Variants in TRPM3 observed in about 807,000 individuals in gnomAD.
TRPM3 encodes long transient receptor potential channel 3.
In TRPM3, 77 loss-of-function variants were observed where a neutral mutation model predicts 181.2. That is an observed-to-expected ratio of 0.42 (90% CI 0.35 to 0.51). TRPM3 has a LOEUF of 0.51. TRPM3 is among the 20% of genes least tolerant of loss of function. TRPM3 has a pLI of 0.01. For missense variants in TRPM3, 1,759 were observed against 2,196.7 expected, an observed-to-expected ratio of 0.80 and a Z score of 3.98; for synonymous variants, 745 against 796.4, an observed-to-expected ratio of 0.94 and a Z score of 1.09.
intron 6 of TRPM3, among the ~76,000 whole-genome samples, chr9:70,819,273 C>G (rs1053304105): frequency 6.6e-6 from 1 of 152,168 alleles, no homozygotes; most frequent in African/African-American, 2.4e-5. Context: ...CCACCTCTCA[C>G]ATTTTAAAAT....
chr9:70,998,778 T>C (rs1341344695), intron 1 of TRPM3, among the ~76,000 whole-genome samples: 2 of 152,204 alleles, frequency 1.3e-5, no homozygotes, highest in African/African-American at 4.8e-5. Context: ...TACAGCACCA[T>C]GAAAATGGAC....
chr9:70,610,162 C>T (rs539962632), intron 19 of TRPM3, among the ~76,000 whole-genome samples: 3 of 151,512 alleles, frequency 2.0e-5, no homozygotes, highest in Admixed American at 2.0e-4. Flanking sequence ...TGCACACACA[C>T]GCATGCATAC....
chr9:71,356,827 G>A (rs2091916821), intron 1 of TRPM3, among the ~76,000 whole-genome samples: 2 of 152,120 alleles, frequency 1.3e-5, no homozygotes, highest in Non-Finnish European at 2.9e-5. Context: ...AGAGAGATCA[G>A]TGAGAGAGCA....
At chr9:70,741,514 G>A (rs1180746034) in intron 8 of TRPM3, among the ~76,000 whole-genome samples, 1 of 152,094 alleles carries the variant, frequency 6.6e-6, no homozygotes, top group African/African-American at 2.4e-5. Context: ...AAAGATACCT[G>A]CACATGCATC....
At chr9:70,826,402 T>C (rs1377403966) in intron 6 of TRPM3, 1 of 152,224 alleles carries the variant, frequency 6.6e-6, no homozygotes, top group South Asian at 2.1e-4. Flanking sequence ...AACACTTGTG[T>C]TTCTTCTTTC....
In TRPM3 at chr9:71,282,330, AAG is replaced by A. The variant is rs1429373800; in HGVS notation, c.183+164321_183+164322del. ...ACGAAAGAAAGAAAGAAAGGAAAGA[AAG>A]AGAGAAAGAAAGAAAAGAAAGAAAG... On this transcript the variant is annotated intron_variant, in intron 1 of 24. Coordinates refer to the TRPM3 transcript ENST00000357533. Among the ~76,000 whole-genome samples the A allele has an allele frequency of 8.1e-5, 10 of 122,776 alleles. 1 individual carries two copies. Among genetic ancestry groups the A allele is most frequent in the Admixed American group, 3.0e-4 (4 of 13,278 alleles). The allele number at this position is 122,776 out of a possible 152,430, so 80.5% of individuals were successfully genotyped here.
At chr9:71,111,482 T>C (rs1020249583) in intron 1 of TRPM3, among the ~76,000 whole-genome samples, 2 of 151,498 alleles carry the variant, frequency 1.3e-5, no homozygotes, top group African/African-American at 4.9e-5. Flanking sequence ...ATCGCGGGGG[T>C]TGGGGGGTGC....
chr9:70,803,757 C>A (rs562209626), intron 6 of TRPM3, among the ~76,000 whole-genome samples: 3 of 149,660 alleles, frequency 2.0e-5, no homozygotes, highest in Non-Finnish European at 4.4e-5. Context: ...GCCGAGCTCC[C>A]CTTTTTTACC....
intron 1 of TRPM3, among the ~76,000 whole-genome samples, chr9:71,378,116 TA>T (rs927058331): frequency 1.3e-5 from 2 of 151,968 alleles, no homozygotes; most frequent in African/African-American, 4.8e-5. Flanking sequence ...ATCAAAAGTT[TA>T]AAAAAAGACA....
Position 70,778,746 on chromosome 9 carries a change from G to A in TRPM3, c.1148+5359C>T, listed in dbSNP as rs563916122. On this transcript the variant is annotated intron_variant, in intron 7 of 25. Transcript: ENST00000677713. ...AATACAAACCACTGAGATCAATTAC[G>A]TTCTTTTGGCAGGTCTTATAGAGAC... 7.2e-5 allele frequency among the ~76,000 whole-genome samples: 11 copies of A among 152,160 alleles called. No individual in the cohort carries two copies. In the South Asian group the frequency reaches 8.3e-4, roughly 11 times the overall value.
chr9:71,346,702 A>G (rs2091314908), intron 1 of TRPM3, among the ~76,000 whole-genome samples: 1 of 152,196 alleles, frequency 6.6e-6, no homozygotes, highest in South Asian at 2.1e-4. Context: ...AAAAATTAAG[A>G]GGAGTGGTAT....
At chr9:71,028,723 A>G (rs1223436771) in intron 1 of TRPM3, among the ~76,000 whole-genome samples, 1 of 152,204 alleles carries the variant, frequency 6.6e-6, no homozygotes, top group East Asian at 1.9e-4. Context: ...AGGGCATTCC[A>G]TAAGGGTAAA....
At chr9:71,437,561 C>T (rs569939173) in intron 1 of TRPM3, among the ~76,000 whole-genome samples, 1 of 152,054 alleles carries the variant, frequency 6.6e-6, no homozygotes, top group South Asian at 2.1e-4. Context: ...TTATAAGAGA[C>T]CTTATAGCCT....
At chr9:71,265,723 C>T (rs949074118) in intron 1 of TRPM3, among the ~76,000 whole-genome samples, 5 of 152,220 alleles carry the variant, frequency 3.3e-5, no homozygotes, top group African/African-American at 1.2e-4. Flanking sequence ...GGAAAATACC[C>T]TTAAAATTAA....
At chr9:70,877,024 G>A (rs1226543888) in intron 1 of TRPM3, among the ~76,000 whole-genome samples, 1 of 151,806 alleles carries the variant, frequency 6.6e-6, no homozygotes, top group African/African-American at 2.4e-5. Flanking sequence ...TGTTTGTATT[G>A]TACAGTTTTA....
chr9:71,155,124 T>C (rs1587685459), intron 1 of TRPM3, among the ~76,000 whole-genome samples: 1 of 152,236 alleles, frequency 6.6e-6, no homozygotes, highest in Non-Finnish European at 1.5e-5. Context: ...CCCCTATTTG[T>C]ACAACATCTG....
intron 6 of TRPM3, among the ~76,000 whole-genome samples, chr9:70,788,955 C>G (rs1243640024): frequency 6.6e-6 from 1 of 152,178 alleles, no homozygotes; most frequent in East Asian, 1.9e-4. Flanking sequence ...CAGCCGCTCA[C>G]CTATGGCCTG....
intron 1 of TRPM3, among the ~76,000 whole-genome samples, chr9:71,048,481 T>C (rs2059711667): frequency 6.6e-6 from 1 of 152,174 alleles, no homozygotes; most frequent in South Asian, 2.1e-4. Flanking sequence ...GTCCAATCCG[T>C]CTTCCCCAAG....
At chr9:70,573,944 A>G (rs1472880220) in intron 22 of TRPM3, among the ~76,000 whole-genome samples, 2 of 151,542 alleles carry the variant, frequency 1.3e-5, no homozygotes, top group Non-Finnish European at 2.9e-5. Flanking sequence ...ATTGATGCAG[A>G]AATGTAGCTT....
Sources: allele counts gnomAD v4.1 joint callset (sites outside exome capture counted in the v4.1 genomes callset), GRCh38; gene constraint gnomAD v4.1.1; transcripts MANE v1.5; gene names NCBI Gene and HGNC (gene_info 2026-07-23, HGNC 2026-07-21).